Variants in PSMD1 observed in about 807,000 individuals in gnomAD.
PSMD1 encodes 26S proteasome non-ATPase regulatory subunit 1.
Under a neutral mutation model 119.0 loss-of-function variants are expected in PSMD1, and 18 were observed. The observed-to-expected ratio is 0.15, with a 90% CI of 0.10 to 0.22. The LOEUF is 0.22. Among genes scored for constraint, PSMD1 ranks in the 10% least tolerant of loss-of-function variants. PSMD1 has a pLI of 1.00. For missense variants in PSMD1, 702 were observed against 1,158.5 expected, an observed-to-expected ratio of 0.61 and a Z score of 5.72; for synonymous variants, 374 against 396.6, an observed-to-expected ratio of 0.94 and a Z score of 0.68.
intron 16 of PSMD1, among the ~76,000 whole-genome samples, chr2:231,112,987 A>G (rs748553005): frequency 6.6e-4 from 101 of 152,216 alleles, no homozygotes; most frequent in Non-Finnish European, 1.0e-3. Context: ...CAACATGACA[A>G]AACCCCACCT....
At chr2:231,169,973 T>A (rs560378322) in intron 23 of PSMD1, among the ~76,000 whole-genome samples, 8 of 152,250 alleles carry the variant, frequency 5.3e-5, no homozygotes, top group Non-Finnish European at 1.2e-4. Flanking sequence ...TCTGTGTTAT[T>A]CTCTCCATCA....
intron 16 of PSMD1, chr2:231,133,718 T>C (rs531801796): frequency 6.6e-6 from 1 of 152,290 alleles, no homozygotes; most frequent in African/African-American, 2.4e-5. Context: ...TTTCCTCCTT[T>C]AGTAAAGATG....
At chr2:231,139,919 A>G (rs575049170) in intron 17 of PSMD1, among the ~76,000 whole-genome samples, 4 of 152,220 alleles carry the variant, frequency 2.6e-5, no homozygotes, top group African/African-American at 7.2e-5. Context: ...ATAAATAACA[A>G]GTATTCATAA....
In PSMD1 at chr2:231,165,191, T is replaced by C. The variant is rs77967588; in HGVS notation, c.2482-9T>C. 6,610 of 1,597,412 alleles carry C rather than the reference T, an allele frequency of 4.1e-3. 262 individuals are homozygous for C. The African/African-American group carries it at 0.079, about 19-fold the overall frequency. ...GGATTACAACAGTTTACCCTGCTCATTTCCCCAGGTTTCTACTGCTGTATT... is the reference window on the plus strand; with the variant it reads ...GGATTACAACAGTTTACCCTGCTCACTTCCCCAGGTTTCTACTGCTGTATT... On this transcript the variant is annotated splice_polypyrimidine_tract_variant and intron_variant, in intron 21 of 24. Coordinates refer to ENST00000308696, the MANE Select transcript of PSMD1 (RefSeq NM_002807.4).
chr2:231,150,165 G>A (rs548024488), intron 18 of PSMD1, among the ~76,000 whole-genome samples: 43 of 151,992 alleles, frequency 2.8e-4, no homozygotes, highest in Non-Finnish European at 4.9e-4. Context: ...ACAACATAGC[G>A]AAACCCCGTC....
chr2:231,061,407 G>A, intron 2 of PSMD1, 97 bp downstream of exon 2: 1 of 1,066,800 alleles, frequency 9.4e-7, no homozygotes. Context: ...TAAAGTTGCT[G>A]TCCTAGCTGG....
At chr2:231,057,127 C>T (rs1693614452) in intron 1 of PSMD1, 86 bp downstream of exon 1, 2 of 1,404,212 alleles carry the variant, frequency 1.4e-6, no homozygotes, top group Non-Finnish European at 1.8e-6. Flanking sequence ...GACTGGGCGC[C>T]TCCCGGCGGA....
chr2:231,128,213 C>T (rs939074299), intron 16 of PSMD1, among the ~76,000 whole-genome samples: 3 of 152,186 alleles, frequency 2.0e-5, no homozygotes, highest in Admixed American at 6.5e-5. Flanking sequence ...TACTAAGTGC[C>T]ATATGCTCAT....
intron 16 of PSMD1, among the ~76,000 whole-genome samples, chr2:231,094,105 G>T (rs1483883264): frequency 1.3e-5 from 2 of 152,070 alleles, no homozygotes; most frequent in Non-Finnish European, 2.9e-5. Context: ...AACTGATTAG[G>T]TTCTAGTCCT....
intron 16 of PSMD1, chr2:231,109,312 G>A (rs765924391): frequency 6.2e-7 from 1 of 1,613,984 alleles, no homozygotes; most frequent in Non-Finnish European, 8.5e-7. Context: ...CAAAGAGCAT[G>A]AAATCGCCAA....
In PSMD1 at chr2:231,146,363, A is replaced by C. The variant is rs183203157; in HGVS notation, c.2115+7A>C. On this transcript the variant is annotated splice_region_variant and intron_variant, in intron 18 of 24. Transcript: ENST00000308696. Reference sequence around the variant, plus strand: ...TGAAATCACTTGTCCAAAGGTGAGCAAACAAAGAAATTCCCTGGAAGAGAG... The same window carrying C: ...TGAAATCACTTGTCCAAAGGTGAGCCAACAAAGAAATTCCCTGGAAGAGAG... The C allele has an allele frequency of 4.8e-4, 768 of 1,590,744 alleles. 2 individuals carry two copies. The highest frequency in any genetic ancestry group is 3.0e-3 in the Middle Eastern group (18 of 6,026).
At chr2:231,104,680 T>C (rs937899976) in intron 16 of PSMD1, among the ~76,000 whole-genome samples, 1 of 152,158 alleles carries the variant, frequency 6.6e-6, no homozygotes, top group Non-Finnish European at 1.5e-5. Context: ...CCCACTGTCA[T>C]AAAGCTAAAT....
intron 16 of PSMD1, among the ~76,000 whole-genome samples, chr2:231,119,358 A>G (rs1172209133): frequency 6.6e-6 from 1 of 152,176 alleles, no homozygotes; most frequent in Non-Finnish European, 1.5e-5. Context: ...ATTAGTGCTT[A>G]TAAGATGCTG....
In PSMD1 at chr2:231,067,067, G is replaced by C; in HGVS notation, c.466G>C (p.Glu156Gln). The C allele has an allele frequency of 1.2e-6, 2 of 1,612,524 alleles. No homozygotes were observed. Among genetic ancestry groups the C allele is most frequent in the Non-Finnish European group, 1.7e-6 (2 of 1,179,744 alleles). Residue 156 changes from glutamate to glutamine, a missense_variant, in exon 5 of 25, where the codon GAG (glutamate) becomes CAG (glutamine). Around this residue, in one of 9 missense-constraint regions of PSMD1, gnomAD observed 8 missense variants for 27.1 expected, o/e 0.30. Transcript: ENST00000308696. ...TAAACAGGCTATTGGCATTGCTCTGGAGACACGAAGACTGGACGTCTTTGA... is the reference window on the plus strand; with the variant it reads ...TAAACAGGCTATTGGCATTGCTCTGCAGACACGAAGACTGGACGTCTTTGA... ...KYKQAIGIAL[E>Q]TRRLDVFEKT...
At chr2:231,073,060 C>A (rs557790877) in intron 7 of PSMD1, among the ~76,000 whole-genome samples, 1 of 152,036 alleles carries the variant, frequency 6.6e-6, no homozygotes. Context: ...GGCCTAATTT[C>A]AATATTGTTG....
At chr2:231,090,186 C>A (rs1241796858) in intron 16 of PSMD1, among the ~76,000 whole-genome samples, 1 of 152,190 alleles carries the variant, frequency 6.6e-6, no homozygotes, top group Non-Finnish European at 1.5e-5. Context: ...CATTCTGCAG[C>A]CTGTGGATCG....
At chr2:231,068,703 C>T (rs1021988845) in intron 5 of PSMD1, among the ~76,000 whole-genome samples, 2 of 152,134 alleles carry the variant, frequency 1.3e-5, no homozygotes, top group African/African-American at 4.8e-5. Flanking sequence ...ACTTTAGTGG[C>T]CACCTTGCTT....
Position 231,075,525 on chromosome 2 carries a change from C to T in PSMD1, c.896C>T (p.Thr299Ile), listed in dbSNP as rs145607583. Residue 299 changes from threonine to isoleucine, a missense_variant, in exon 8 of 25, where the codon ACA becomes ATA. By Grantham distance (89) the Thr-to-Ile change is moderately conservative. This residue lies in a region of PSMD1 where 69 missense variants were observed against 71.6 expected (regional missense o/e 0.96). Coordinates refer to ENST00000308696, the MANE Select transcript of PSMD1 (RefSeq NM_002807.4). The part of the protein sequence containing the change: ...GSEKDSDSME[T>I]EEKTSSAFVG... ...TTTCATTTCAGTGACTCGATGGAAA[C>T]AGAAGAAAAGACAAGCAGTGCATTT... 2.0e-4 allele frequency: 329 copies of T among 1,611,820 alleles called. 1 individual carries two copies. In the African/African-American group the frequency reaches 3.8e-3, roughly 19 times the overall value.
intron 18 of PSMD1, among the ~76,000 whole-genome samples, chr2:231,150,083 C>T (rs879642486): frequency 3.3e-5 from 5 of 152,148 alleles, no homozygotes; most frequent in Non-Finnish European, 7.4e-5. Flanking sequence ...CAGTGGCTCA[C>T]GCCTATAATC....
Sources: allele counts gnomAD v4.1 joint callset (sites outside exome capture counted in the v4.1 genomes callset), GRCh38; gene constraint gnomAD v4.1.1; regional missense constraint gnomAD v4.1.1; transcripts MANE v1.5; gene names NCBI Gene and HGNC (gene_info 2026-07-23, HGNC 2026-07-21).